The following CC2D2B variants were observed in gnomAD, a reference collection of about 807,000 sequenced individuals.
CC2D2B encodes the protein coiled-coil and C2 domain containing 2B, also known as protein CC2D2B.
A neutral mutation model predicts 161.2 loss-of-function variants in CC2D2B; 128 were observed. The observed-to-expected ratio is 0.79, with a 90% CI of 0.69 to 0.92. The LOEUF is 0.92. Among genes scored for constraint, CC2D2B ranks in the 40% least tolerant of loss-of-function variants. The probability of loss-of-function intolerance (pLI) is 0.00; values close to 1 mark genes in which losing one functional copy is unlikely to be tolerated. For synonymous variants in CC2D2B, 391 were observed against 449.8 expected, an observed-to-expected ratio of 0.87 and a Z score of 1.65; for missense variants, 1,173 against 1,375.1, an observed-to-expected ratio of 0.85 and a Z score of 2.32.
chr10:95,953,202 C>A (rs184561435), intron 10 of CC2D2B, among the ~76,000 whole-genome samples: 1 of 152,086 alleles, frequency 6.6e-6, no homozygotes, highest in East Asian at 1.9e-4. Context: ...TATATTTTGG[C>A]AAACATTTTA....
Position 95,982,024 on chromosome 10 carries a change from A to G in CC2D2B, c.1993A>G (p.Met665Val), listed in dbSNP as rs1464999395. The G allele has an allele frequency of 5.7e-6, 7 of 1,230,422 alleles. No individual in the cohort carries two copies. Among genetic ancestry groups the G allele is most frequent in the Non-Finnish European group, 7.1e-6 (7 of 986,480 alleles). The allele number at this position is 1,230,422 out of a possible 1,614,324, so 76.2% of individuals were successfully genotyped here. Residue 665 changes from methionine (M) to valine (V), a missense_variant, in exon 18 of 35, where the codon ATG (methionine) becomes GTG (valine). This residue lies in a region of CC2D2B where 277 missense variants were observed against 420.6 expected (regional missense o/e 0.66). Transcript: ENST00000646931. Reference sequence around the variant, plus strand: ...AAGTGTTCCTGGAATTCCATGGCTCATGAATGAACAGAAGCTTTTTGAATG... The same window carrying G: ...AAGTGTTCCTGGAATTCCATGGCTCGTGAATGAACAGAAGCTTTTTGAATG... ...ARSVPGIPWL[M>V]NEQKLFEWAN...
At chr10:95,928,600 C>G (rs1397059319) in intron 6 of CC2D2B, among the ~76,000 whole-genome samples, 1 of 152,046 alleles carries the variant, frequency 6.6e-6, no homozygotes, top group Non-Finnish European at 1.5e-5. Flanking sequence ...ATGTTCCCTT[C>G]CCTGTGTCCA....
chr10:95,909,329 A>C (rs2098501898), intron 1 of CC2D2B, among the ~76,000 whole-genome samples: 1 of 152,228 alleles, frequency 6.6e-6, no homozygotes, highest in Non-Finnish European at 1.5e-5. Context: ...AGCTGGTGCT[A>C]TATATTTAAT....
At position 96,033,354 on chromosome 10, in the gene CC2D2B, GT is replaced by G. The variant is rs1334347083; in HGVS notation, c.*1353del. 6.6e-6 allele frequency among the ~76,000 whole-genome samples: 1 copy of G among 152,156 alleles called. No homozygotes were observed. Among genetic ancestry groups the G allele is most frequent in the Non-Finnish European group, 1.5e-5 (1 of 68,024 alleles). On this transcript the variant is annotated 3_prime_UTR_variant, in exon 35 of 35. Coordinates refer to ENST00000646931, the MANE Select transcript of CC2D2B (RefSeq NM_001349008.3). ...AAAGTAGGGACATGGGTGAAGGAATGTTTTTTTCTCCCAGGTTAAAACCTAA... is the reference window on the plus strand; with the variant it reads ...AAAGTAGGGACATGGGTGAAGGAATGTTTTTTCTCCCAGGTTAAAACCTAA...
chr10:96,023,338 C>A (rs1044813225), intron 32 of CC2D2B, among the ~76,000 whole-genome samples: 1 of 152,198 alleles, frequency 6.6e-6, no homozygotes, highest in Non-Finnish European at 1.5e-5. Flanking sequence ...AACACTATTA[C>A]ACACAATTGT....
intron 17 of CC2D2B, among the ~76,000 whole-genome samples, chr10:95,979,176 T>G (rs1227478729): frequency 3.9e-5 from 6 of 151,950 alleles, no homozygotes; most frequent in Non-Finnish European, 7.4e-5. Flanking sequence ...TTTGGTGTTT[T>G]TTTTTTTTTT....
chr10:95,913,714 C>A (rs1170756183), intron 2 of CC2D2B, among the ~76,000 whole-genome samples: 1 of 152,090 alleles, frequency 6.6e-6, no homozygotes, highest in Non-Finnish European at 1.5e-5. Context: ...CTCTAATGGT[C>A]AATGATGTTG....
chr10:95,957,781 G>C (rs1187480736), intron 11 of CC2D2B, among the ~76,000 whole-genome samples: 4 of 150,400 alleles, frequency 2.7e-5, no homozygotes, highest in Admixed American at 2.0e-4. Context: ...GGCTGGTCTC[G>C]AACTCCTGAC....
At chr10:95,960,550 T>C (rs1187400331) in intron 11 of CC2D2B, among the ~76,000 whole-genome samples, 1 of 152,184 alleles carries the variant, frequency 6.6e-6, no homozygotes, top group Admixed American at 6.5e-5. Context: ...TCTCCCTCTG[T>C]TGCCTGGCCT....
In CC2D2B at chr10:95,938,875, A is replaced by C. The variant is rs762825955; in HGVS notation, c.751A>C (p.Asn251His). 1 of 714,906 alleles carries C rather than the reference A, an allele frequency of 1.4e-6. No homozygotes were observed. Among genetic ancestry groups the C allele is most frequent in the Non-Finnish European group, 2.6e-6 (1 of 384,166 alleles). 44.3% of individuals were successfully genotyped at this position (714,906 alleles called of 1,614,324 possible). A position where few individuals can be genotyped will look rare whatever the true frequency, so the allele number is the denominator to read the frequency against. Reference sequence around the variant, plus strand: ...TAAACAGTCATGGAATTTCAGACTAAATGTAAGGAAGGAACCTTTAAATCC... The same window carrying C: ...TAAACAGTCATGGAATTTCAGACTACATGTAAGGAAGGAACCTTTAAATCC... ...PIKQSWNFRL[N>H]VRKEPLNPLL... The change falls in exon 9 of 35, where the codon AAT becomes CAT. Residue 251 changes from asparagine to histidine, a missense_variant. By Grantham distance (68) the Asn-to-His change is moderately conservative (BLOSUM62 1). This residue lies in a region of CC2D2B where 298 missense variants were observed against 261.2 expected (regional missense o/e 1.14). Coordinates refer to ENST00000646931, the MANE Select transcript of CC2D2B (RefSeq NM_001349008.3).
At chr10:95,943,710 T>C (rs2076099033) in intron 9 of CC2D2B, among the ~76,000 whole-genome samples, 1 of 152,182 alleles carries the variant, frequency 6.6e-6, no homozygotes, top group African/African-American at 2.4e-5. Context: ...ACTACAATAT[T>C]TGGATCACTA....
chr10:96,009,408 T>C (rs2078890861), intron 25 of CC2D2B, among the ~76,000 whole-genome samples: 1 of 152,176 alleles, frequency 6.6e-6, no homozygotes, highest in South Asian at 2.1e-4. Context: ...ACTATTGGCT[T>C]ATTAGCTATA....
At chr10:95,967,519 C>T (rs1287434549) in intron 14 of CC2D2B, among the ~76,000 whole-genome samples, 1 of 151,004 alleles carries the variant, frequency 6.6e-6, no homozygotes, top group Non-Finnish European at 1.5e-5. Flanking sequence ...AATAATATGT[C>T]GATATAGAGG....
At chr10:96,025,166 T>TATATAAAAAAAAA (rs1564683697) in intron 33 of CC2D2B, among the ~76,000 whole-genome samples, 5 of 9,966 alleles carry the variant, frequency 5.0e-4, no homozygotes, top group East Asian at 5.0e-3. Flanking sequence ...TATATATATA[T>TATATAAAAAAAAA]ATATATATAT....
chr10:95,969,460 T>A (rs1046471070), intron 15 of CC2D2B, among the ~76,000 whole-genome samples: 1 of 150,880 alleles, frequency 6.6e-6, no homozygotes, highest in Non-Finnish European at 1.5e-5. Context: ...AACAAACGAG[T>A]CTAGACAAGA....
intron 10 of CC2D2B, among the ~76,000 whole-genome samples, chr10:95,953,347 A>T (rs1198775423): frequency 6.6e-6 from 1 of 152,090 alleles, no homozygotes; most frequent in Non-Finnish European, 1.5e-5. Flanking sequence ...GACTACAGGT[A>T]CATGCCACAA....
rs1412643641 is a variant in CC2D2B at position 96,010,063 on chromosome 10, CT to C, written c.3045+144del. On this transcript the variant is annotated intron_variant, in intron 26 of 34. Coordinates refer to ENST00000646931, the MANE Select transcript of CC2D2B (RefSeq NM_001349008.3). Reference sequence around the variant, plus strand: ...TGATCCTGTATTAGAATGTTCTGGGCTTTTGAAGTGTTTGAAGATTTGAACT... The same window carrying C: ...TGATCCTGTATTAGAATGTTCTGGGCTTTGAAGTGTTTGAAGATTTGAACT... 5.3e-6 allele frequency: 3 copies of C among 568,252 alleles called. No individual in the cohort carries two copies. The East Asian group carries it at 8.5e-5, about 16-fold the overall frequency. 35.2% of individuals were successfully genotyped at this position (568,252 alleles called of 1,614,324 possible). A position where few individuals can be genotyped will look rare whatever the true frequency, so the allele number is the denominator to read the frequency against.
Position 96,027,218 on chromosome 10 carries a change from A to G in CC2D2B, c.3954A>G (p.Glu1318=), listed in dbSNP as rs370546463. 39 of 1,527,292 alleles carry G rather than the reference A, an allele frequency of 2.6e-5. No individual in the cohort carries two copies. The highest frequency in any genetic ancestry group is 3.3e-5 in the Non-Finnish European group (38 of 1,135,128). The allele number at this position is 1,527,292 out of a possible 1,614,324, so 94.6% of individuals were successfully genotyped here. A position where few individuals can be genotyped will look rare whatever the true frequency, so the allele number is the denominator to read the frequency against. The change falls in exon 34 of 35, where the codon GAA becomes GAG. Residue 1318 remains glutamate (E), a synonymous_variant. Coordinates refer to ENST00000646931, the MANE Select transcript of CC2D2B (RefSeq NM_001349008.3). ...CTTTGGATTCTTACCTTAGGATCGA[A>G]AGGACTCTGAAGAGTAAAGTGATGG... ...SMVEDLRNRI[E]RTLKSKVMEW... is the part of the protein sequence containing the mutation.
chr10:96,003,968 A>C (rs2078638680), intron 24 of CC2D2B, among the ~76,000 whole-genome samples, 184 bp from the exon 25 acceptor site: 1 of 152,238 alleles, frequency 6.6e-6, no homozygotes, highest in African/African-American at 2.4e-5. Context: ...TGTAAATTAC[A>C]AAGCACATGC....
Sources: allele counts gnomAD v4.1 joint callset (sites outside exome capture counted in the v4.1 genomes callset), GRCh38; gene constraint gnomAD v4.1.1; regional missense constraint gnomAD v4.1.1; transcripts MANE v1.5; gene names NCBI Gene and HGNC (gene_info 2026-07-23, HGNC 2026-07-21).